The following ZNF423 variants were observed in gnomAD, a reference collection of about 807,000 sequenced individuals.
ZNF423 encodes zinc finger protein 423.
Under a neutral mutation model 95.8 loss-of-function variants are expected in ZNF423, and 12 were observed. The observed-to-expected ratio is 0.13, with a 90% CI of 0.08 to 0.20. The LOEUF (loss-of-function observed/expected upper bound fraction) is 0.20, where lower values mean the gene tolerates loss of function less well. ZNF423 is among the 10% of genes least tolerant of loss of function. The probability of loss-of-function intolerance (pLI) is 1.00; values close to 1 mark genes in which losing one functional copy is unlikely to be tolerated. For synonymous variants in ZNF423, 749 were observed against 711.9 expected, an observed-to-expected ratio of 1.05 and a Z score of -0.83; for missense variants, 1,316 against 1,737.1, an observed-to-expected ratio of 0.76 and a Z score of 4.31.
intron 2 of ZNF423, among the ~76,000 whole-genome samples, chr16:49,742,624 G>T (rs1292414907): frequency 2.0e-5 from 3 of 152,102 alleles, no homozygotes; most frequent in Non-Finnish European, 2.9e-5. Context: ...GGGGAGATGG[G>T]GGAGCAGGGC....
chr16:49,688,416 C>G (rs2031651979), intron 3 of ZNF423, among the ~76,000 whole-genome samples: 1 of 152,200 alleles, frequency 6.6e-6, no homozygotes, highest in African/African-American at 2.4e-5. Flanking sequence ...CGCCCTCTTG[C>G]TCCATAGAGG....
At chr16:49,730,020 T>A (rs2033122810) in intron 3 of ZNF423, among the ~76,000 whole-genome samples, 1 of 152,188 alleles carries the variant, frequency 6.6e-6, no homozygotes, top group Admixed American at 6.5e-5. Flanking sequence ...ACAGGTCCTA[T>A]GGACTCCCTC....
chr16:49,585,571 C>A (rs1035196794), intron 5 of ZNF423, among the ~76,000 whole-genome samples: 1 of 152,240 alleles, frequency 6.6e-6, no homozygotes, highest in Non-Finnish European at 1.5e-5. Flanking sequence ...CAATCTGAAT[C>A]GGCAAATTTG....
rs540223369 is a variant in ZNF423 at position 49,752,860 on chromosome 16, C to T, written c.101-21889G>A. ...TCACCCACTCAACAAGTCAGGACTG[C>T]GGGGCTGCTGTGTGCCAGGCAATGT... is the stretch of plus-strand genomic sequence containing the variant. On this transcript the variant is annotated intron_variant, in intron 2 of 7. Coordinates refer to ENST00000563137, the MANE Select transcript of ZNF423 (RefSeq NM_001379286.1). 2.6e-4 allele frequency among the ~76,000 whole-genome samples: 40 copies of T among 152,328 alleles called. No homozygotes were observed. The South Asian group carries it at 3.3e-3, about 13-fold the overall frequency.
At chr16:49,581,877 G>A (rs1242589795) in intron 5 of ZNF423, among the ~76,000 whole-genome samples, 3 of 152,112 alleles carry the variant, frequency 2.0e-5, no homozygotes, top group African/African-American at 4.8e-5. Context: ...CTGCCAACCC[G>A]GGTTTCTGTC....
chr16:49,630,153 G>C (rs1342021022), intron 4 of ZNF423, among the ~76,000 whole-genome samples: 4 of 152,168 alleles, frequency 2.6e-5, no homozygotes. Context: ...AGGGTGGAGA[G>C]AAAGACAGGG....
At chr16:49,683,473 T>C (rs1001778879) in intron 3 of ZNF423, among the ~76,000 whole-genome samples, 1 of 152,184 alleles carries the variant, frequency 6.6e-6, no homozygotes, top group Non-Finnish European at 1.5e-5. Context: ...GACAGAGAAC[T>C]TGACACCCAG....
At chr16:49,639,303 T>C (rs1972887790) in intron 3 of ZNF423, among the ~76,000 whole-genome samples, 1 of 152,050 alleles carries the variant, frequency 6.6e-6, no homozygotes, top group African/African-American at 2.4e-5. Flanking sequence ...TCCCCTCAAA[T>C]CCCTAATCCT....
At chr16:49,758,326 A>G (rs917970359) in intron 2 of ZNF423, among the ~76,000 whole-genome samples, 27 of 152,070 alleles carry the variant, frequency 1.8e-4, no homozygotes, top group African/African-American at 6.3e-4. Flanking sequence ...TTTAATAGAG[A>G]CAGGGTTTCG....
At chr16:49,546,250 AAGG>A (rs1443671404) in intron 5 of ZNF423, among the ~76,000 whole-genome samples, 2 of 152,226 alleles carry the variant, frequency 1.3e-5, no homozygotes, top group Non-Finnish European at 2.9e-5. Context: ...AACATTTTTT[AAGG>A]AGAACACATT....
intron 2 of ZNF423, among the ~76,000 whole-genome samples, chr16:49,738,728 C>T (rs1199975866): frequency 1.3e-5 from 2 of 151,966 alleles, no homozygotes; most frequent in Non-Finnish European, 2.9e-5. Flanking sequence ...GAGAGGGCAG[C>T]GGGGTCAGCA....
At chr16:49,853,578 C>T in intron 1 of ZNF423, 1 of 944,370 alleles carries the variant, frequency 1.1e-6, no homozygotes, top group East Asian at 1.2e-4. Flanking sequence ...CTCGAAATGC[C>T]TCCACTGGTC....
In ZNF423 at chr16:49,635,574, C is replaced by T. The variant is rs1972658933; in HGVS notation, c.3516+86G>A. ...GCGATAGCGCCGCTTCTTGGAAACACGGCACTCAGGGTACGTGGCTCCTGT... is the reference window on the plus strand; with the variant it reads ...GCGATAGCGCCGCTTCTTGGAAACATGGCACTCAGGGTACGTGGCTCCTGT... On this transcript the variant is annotated intron_variant, in intron 4 of 7. Coordinates refer to ENST00000563137, the MANE Select transcript of ZNF423 (RefSeq NM_001379286.1). The surrounding 1 kb of genome is among the most constrained non-coding windows in gnomAD (Gnocchi z 4.8). 17 of 1,470,384 alleles carry T rather than the reference C, an allele frequency of 1.2e-5. No homozygotes were observed. Among genetic ancestry groups the T allele is most frequent in the South Asian group, 5.8e-5 (4 of 68,474 alleles). The allele number at this position is 1,470,384 out of a possible 1,614,324, so 91.1% of individuals were successfully genotyped here.
chr16:49,632,287 C>T lies in ZNF423; in HGVS notation c.3516+3373G>A, dbSNP rs182345523. On this transcript the variant is annotated intron_variant, in intron 4 of 7. Transcript: ENST00000563137. ...GAGCTGGTTGCTATGGATACACTCC[C>T]GAGGGTCCCAGCCTGCCAGCCCCCA... Among the ~76,000 whole-genome samples, 67 of 152,268 alleles carry T rather than the reference C, an allele frequency of 4.4e-4. 1 individual carries two copies. Among genetic ancestry groups the T allele is most frequent in the Non-Finnish European group, 3.5e-4 (24 of 68,012 alleles).
chr16:49,717,168 A>G (rs1291153236), intron 3 of ZNF423, among the ~76,000 whole-genome samples: 1 of 152,156 alleles, frequency 6.6e-6, no homozygotes, highest in Non-Finnish European at 1.5e-5. Context: ...TGGCCCTTGG[A>G]GTATCAACAT....
In ZNF423 at chr16:49,492,572, T is replaced by C. The variant is rs956277078; in HGVS notation, c.3850-1268A>G. Among the ~76,000 whole-genome samples, 1 of 152,122 alleles carries C rather than the reference T, an allele frequency of 6.6e-6. No homozygotes were observed. Among genetic ancestry groups the C allele is most frequent in the Non-Finnish European group, 1.5e-5 (1 of 68,010 alleles). On this transcript the variant is annotated intron_variant, in intron 7 of 7. Transcript: ENST00000563137. The surrounding 1 kb of genome is among the most constrained non-coding windows in gnomAD (Gnocchi z 4.2). ...TTCCCGTGACGGGCACTGCGAAGGC[T>C]GCGGCCCCCGTGGTAATGTCACCGA...
intron 7 of ZNF423, among the ~76,000 whole-genome samples, chr16:49,493,305 G>A (rs1309819820): frequency 1.3e-5 from 2 of 152,036 alleles, no homozygotes; most frequent in East Asian, 3.9e-4. Flanking sequence ...TCCCATCCCT[G>A]CAGACCTCTC....
intron 3 of ZNF423, among the ~76,000 whole-genome samples, chr16:49,701,552 G>A (rs535312255): frequency 5.3e-5 from 8 of 152,276 alleles, no homozygotes; most frequent in East Asian, 3.9e-4. Context: ...ACGGCAGCGC[G>A]CTACAGGAGC....
At position 49,616,526 on chromosome 16, in the gene ZNF423, A is replaced by C. The variant is rs1022160527; in HGVS notation, c.3601+9644T>G. ...AAAGAATAAATGCTTCAGGTGATAG[A>C]TACCCCATTTTCCCTGATGTGATTA... On this transcript the variant is annotated intron_variant, in intron 5 of 7. Coordinates refer to ENST00000563137, the MANE Select transcript of ZNF423 (RefSeq NM_001379286.1). Among the ~76,000 whole-genome samples, 8 of 152,292 alleles carry C rather than the reference A, an allele frequency of 5.3e-5. No homozygotes were observed. The East Asian group carries it at 1.3e-3, about 26-fold the overall frequency.
Sources: gnomAD v4.1 joint callset for allele counts (sites outside exome capture counted in the v4.1 genomes callset) on GRCh38, gnomAD v4.1.1 for gene constraint, Gnocchi (gnomAD v3.1) non-coding constraint, MANE v1.5 for transcripts, NCBI Gene and HGNC (gene_info 2026-07-23, HGNC 2026-07-21) for gene names.